Variants in OSBPL1A observed in about 807,000 individuals in gnomAD.
OSBPL1A encodes oxysterol binding protein like 1A, also known as oxysterol-binding protein-related protein 1.
In OSBPL1A, 80 loss-of-function variants were observed where a neutral mutation model predicts 137.1. The ratio of observed to expected loss-of-function variants is 0.58; its 90% CI spans 0.49 to 0.70. The LOEUF is 0.70. Ranked by LOEUF, OSBPL1A falls within the 30% of genes least tolerant of loss-of-function variation. OSBPL1A has a pLI of 0.00. For synonymous variants in OSBPL1A, 365 were observed against 389.7 expected (o/e 0.94, Z 0.75); for missense variants, 970 against 1,129.4 (o/e 0.86, Z 2.02).
intron 15 of OSBPL1A, among the ~76,000 whole-genome samples, chr18:24,254,886 A>G (rs2089224407): frequency 6.6e-6 from 1 of 152,194 alleles, no homozygotes; most frequent in Non-Finnish European, 1.5e-5. Context: ...AAGTGAGGAA[A>G]ATAGAAAGAT....
At chr18:24,331,191 A>T (rs2091071247) in intron 7 of OSBPL1A, among the ~76,000 whole-genome samples, 1 of 152,166 alleles carries the variant, frequency 6.6e-6, no homozygotes, top group African/African-American at 2.4e-5. Context: ...TGAACCAGAC[A>T]ATGAAGTATG....
In OSBPL1A at chr18:24,325,783, T is replaced by A. The variant is rs73943430; in HGVS notation, c.626-6974A>T. Among the ~76,000 whole-genome samples, 964 of 152,370 alleles carry A rather than the reference T, an allele frequency of 6.3e-3. 8 individuals are homozygous for A. The highest frequency in any genetic ancestry group is 0.021 in the African/African-American group (866 of 41,598). ...GGCGCAGCATTGCTGAATGAATGAA[T>A]GTGATTAAACTGGGAGGAAACAAAA... On this transcript the variant is annotated intron_variant, in intron 7 of 27. Transcript: ENST00000319481.
intron 4 of OSBPL1A, among the ~76,000 whole-genome samples, chr18:24,343,618 G>A (rs188468255): frequency 8.5e-4 from 129 of 152,274 alleles, no homozygotes; most frequent in Non-Finnish European, 1.4e-3. Context: ...CATAAAGATA[G>A]ACACACAGAC....
intron 17 of OSBPL1A, among the ~76,000 whole-genome samples, chr18:24,222,261 TTAATC>T (rs750915538): frequency 8.5e-5 from 13 of 152,164 alleles, no homozygotes; most frequent in Non-Finnish European, 1.8e-4. Flanking sequence ...GTTTACTCCT[TTAATC>T]TATTCATGTT....
At chr18:24,196,630 T>C (rs2087041327) in intron 17 of OSBPL1A, among the ~76,000 whole-genome samples, 1 of 152,252 alleles carries the variant, frequency 6.6e-6, no homozygotes, top group African/African-American at 2.4e-5. Flanking sequence ...AAAGCTTAGA[T>C]ACAGGTTTTT....
chr18:24,192,418 A>G (rs927935432), intron 18 of OSBPL1A, among the ~76,000 whole-genome samples: 13 of 152,246 alleles, frequency 8.5e-5, no homozygotes, highest in Non-Finnish European at 1.5e-5. Context: ...ATTAGTTCTC[A>G]GGAGCCGGAG....
chr18:24,287,772 A>AAAAATAAAATAAAATAAAATAAAAT (rs56768879), intron 14 of OSBPL1A, among the ~76,000 whole-genome samples: 3,425 of 136,034 alleles, frequency 0.025, 79 homozygotes, highest in Non-Finnish European at 0.034. Flanking sequence ...ACTCTGTCTC[A>AAAAATAAAATAAAATAAAATAAAAT]AAAATAAAAT....
intron 18 of OSBPL1A, among the ~76,000 whole-genome samples, chr18:24,186,023 G>A (rs929090584): frequency 1.3e-5 from 2 of 152,090 alleles, no homozygotes; most frequent in African/African-American, 2.4e-5. Flanking sequence ...AATCATGTTC[G>A]TGCCACTGCA....
chr18:24,258,045 AG>A (rs1482877558), intron 15 of OSBPL1A, among the ~76,000 whole-genome samples: 2 of 152,210 alleles, frequency 1.3e-5, no homozygotes, highest in African/African-American at 2.4e-5. Flanking sequence ...ACCACTATGA[AG>A]AACAGTTTGG....
intron 13 of OSBPL1A, among the ~76,000 whole-genome samples, chr18:24,309,990 G>C (rs2146110381): frequency 6.6e-6 from 1 of 150,420 alleles, no homozygotes; most frequent in South Asian, 2.1e-4. Context: ...GAAGTTGCAG[G>C]GAGCCATGAT....
Position 24,280,829 on chromosome 18 carries a change from C to T in OSBPL1A, c.1281+13G>A. On this transcript the variant is annotated intron_variant, in intron 15 of 27. Transcript: ENST00000319481. ...AAACAATTATTTTACAAATTCAATTCTGAACTACCTACCCCTTCTTGTTTG... is the reference window on the plus strand; with the variant it reads ...AAACAATTATTTTACAAATTCAATTTTGAACTACCTACCCCTTCTTGTTTG... 6.6e-7 allele frequency: 1 copy of T among 1,519,136 alleles called. No homozygotes were observed. The highest frequency in any genetic ancestry group is 8.8e-7 in the Non-Finnish European group (1 of 1,131,174). 94.1% of individuals were successfully genotyped at this position (1,519,136 alleles called of 1,614,324 possible).
intron 14 of OSBPL1A, among the ~76,000 whole-genome samples, chr18:24,287,256 G>A (rs1406841121): frequency 6.6e-6 from 1 of 152,166 alleles, no homozygotes; most frequent in East Asian, 1.9e-4. Flanking sequence ...CCCACCTTAT[G>A]GTAAGTCCTT....
rs1237639637 is a variant in OSBPL1A at position 24,328,303 on chromosome 18, G to A, written c.625+4639C>T. Among the ~76,000 whole-genome samples the A allele has an allele frequency of 8.6e-5, 11 of 127,378 alleles. No individual in the cohort carries two copies. The Admixed American group carries it at 1.0e-3, about 12-fold the overall frequency. 83.6% of individuals were successfully genotyped at this position (127,378 alleles called of 152,430 possible). ...TCTCAATCTCCTGACCTCATGATCC[G>A]CCCGCCTCAGCCTCCCAAAGTGCTG... On this transcript the variant is annotated intron_variant, in intron 7 of 27. Coordinates refer to ENST00000319481, the MANE Select transcript of OSBPL1A (RefSeq NM_080597.4).
rs1179169423 is a variant in OSBPL1A, at chr18:24,239,386, G to A, written c.1282-4C>T. 3.7e-6 allele frequency: 6 copies of A among 1,611,992 alleles called. No homozygotes were observed. The South Asian group carries it at 6.6e-5, about 18-fold the overall frequency. On this transcript the variant is annotated splice_region_variant and splice_polypyrimidine_tract_variant and intron_variant, in intron 15 of 27. Coordinates refer to ENST00000319481, the MANE Select transcript of OSBPL1A (RefSeq NM_080597.4). Reference sequence around the variant, plus strand: ...GTTCCAATTTAAAATTCCTCACCTAGAAGAAAACAGATATACAGAAAAGAC... The same window carrying A: ...GTTCCAATTTAAAATTCCTCACCTAAAAGAAAACAGATATACAGAAAAGAC...
intron 18 of OSBPL1A, among the ~76,000 whole-genome samples, chr18:24,193,814 A>T (rs2145941505): frequency 6.6e-6 from 1 of 152,312 alleles, no homozygotes; most frequent in South Asian, 2.1e-4. Flanking sequence ...ATTCTATGGA[A>T]CCCTTTCAAC....
chr18:24,376,699 C>T (rs1260474546), intron 2 of OSBPL1A, among the ~76,000 whole-genome samples: 1 of 152,234 alleles, frequency 6.6e-6, no homozygotes, highest in African/African-American at 2.4e-5. Flanking sequence ...GAAGCATGGC[C>T]GACTGCAGGT....
intron 14 of OSBPL1A, among the ~76,000 whole-genome samples, chr18:24,298,065 C>T (rs1337984211): frequency 3.9e-5 from 6 of 152,066 alleles, no homozygotes; most frequent in Admixed American, 3.3e-4. Flanking sequence ...GTAAAGGAGC[C>T]GGCCAAAACC....
chr18:24,377,660 G>A (rs1906290319), intron 1 of OSBPL1A, 125 bp from the exon 2 acceptor site: 1 of 972,764 alleles, frequency 1.0e-6, no homozygotes, highest in Non-Finnish European at 1.5e-6. Context: ...CACAACAACT[G>A]AATAAATCCG....
At chr18:24,341,706 G>A in intron 4 of OSBPL1A, 48 bp from the exon 5 acceptor site, 1 of 1,308,934 alleles carries the variant, frequency 7.6e-7, no homozygotes. Context: ...AGATTTTATT[G>A]CATTACCACC....
Sources: allele counts gnomAD v4.1 joint callset (sites outside exome capture counted in the v4.1 genomes callset), GRCh38; gene constraint gnomAD v4.1.1; transcripts MANE v1.5; gene names NCBI Gene and HGNC (gene_info 2026-07-23, HGNC 2026-07-21).